Variants in SLCO1A2 observed in about 807,000 individuals in gnomAD.
SLCO1A2 encodes the protein OATP-1.
In SLCO1A2, 67 loss-of-function variants were observed where a neutral mutation model predicts 69.0. The ratio of observed to expected loss-of-function variants is 0.97; its 90% CI spans 0.80 to 1.19. The LOEUF (loss-of-function observed/expected upper bound fraction) is 1.19. Ranked by LOEUF, SLCO1A2 falls within the 50% of genes most tolerant of loss-of-function variation. SLCO1A2 has a pLI of 0.00. For synonymous variants in SLCO1A2, 260 were observed against 265.9 expected (o/e 0.98, Z 0.22); for missense variants, 787 against 793.7 (o/e 0.99, Z 0.10).
intron 1 of SLCO1A2, among the ~76,000 whole-genome samples, chr12:21,386,664 T>C (rs1940897448): frequency 6.6e-6 from 1 of 152,120 alleles, no homozygotes; most frequent in Non-Finnish European, 1.5e-5. Flanking sequence ...TTTTTCTTTA[T>C]AAATTACCCA....
chr12:21,293,366 G>C (rs1947207556), intron 11 of SLCO1A2, among the ~76,000 whole-genome samples: 1 of 151,968 alleles, frequency 6.6e-6, no homozygotes, highest in Non-Finnish European at 1.5e-5. Flanking sequence ...TTTTTGAATT[G>C]TTACATGTTT....
At chr12:21,402,207 T>C (rs1385261499) in intron 1 of SLCO1A2, among the ~76,000 whole-genome samples, 4 of 150,600 alleles carry the variant, frequency 2.7e-5, no homozygotes, top group Non-Finnish European at 4.4e-5. Flanking sequence ...TACAGATTTA[T>C]ACAAAGGCAA....
At chr12:21,395,618 TC>T, upstream of SLCO1A2, among the ~76,000 whole-genome samples, 1 of 152,286 alleles carries the variant, frequency 6.6e-6, no homozygotes. Context: ...GACTTAAATG[TC>T]CCTGTCTGAC....
intron 1 of SLCO1A2, among the ~76,000 whole-genome samples, chr12:21,406,995 C>T (rs1941832546): frequency 6.6e-6 from 1 of 152,092 alleles, no homozygotes; most frequent in Non-Finnish European, 1.5e-5. Context: ...CACCCTGGCC[C>T]CATGCCTGGC....
chr12:21,393,687 C>T (rs568505616), intron 1 of SLCO1A2, among the ~76,000 whole-genome samples: 4 of 152,178 alleles, frequency 2.6e-5, no homozygotes, highest in East Asian at 1.9e-4. Flanking sequence ...TAAACAGATA[C>T]GGTTACTAAT....
intron 12 of SLCO1A2, among the ~76,000 whole-genome samples, chr12:21,288,015 A>G (rs1946228306): frequency 6.7e-6 from 1 of 150,062 alleles, no homozygotes; most frequent in Non-Finnish European, 1.5e-5. Context: ...GTATAATAAA[A>G]AAAAAAAAAA....
intron 2 of SLCO1A2, among the ~76,000 whole-genome samples, chr12:21,364,656 T>C (rs572297350): frequency 2.0e-5 from 3 of 152,268 alleles, no homozygotes; most frequent in South Asian, 4.1e-4. Context: ...CCCCAACATC[T>C]CAGCCCAAAA....
intron 2 of SLCO1A2, among the ~76,000 whole-genome samples, chr12:21,350,194 G>T (rs1371158442): frequency 2.6e-5 from 4 of 151,812 alleles, no homozygotes; most frequent in African/African-American, 4.8e-5. Context: ...CTTTAAAAAT[G>T]TATATAGTCT....
At chr12:21,360,893 C>T (rs10770803) in intron 2 of SLCO1A2, among the ~76,000 whole-genome samples, 143,425 of 152,188 alleles carry the variant, frequency 0.94, 67,795 homozygotes, top group East Asian at 1. Context: ...GCTAGGAACT[C>T]GAACTCGGTG....
intron 5 of SLCO1A2, among the ~76,000 whole-genome samples, chr12:21,306,475 G>T (rs186532272): frequency 6.6e-6 from 1 of 151,962 alleles, no homozygotes. Context: ...ACAGGTGCCC[G>T]CTACCATGCT....
Position 21,304,458 on chromosome 12 carries a change from A to C in SLCO1A2, c.558T>G (p.Phe186Leu). Reference sequence around the variant, plus strand: ...ATAAAGGAGAATTTTCAAATTTGGCAAAATCTTCTATATAGGAAATACCCA... The same window carrying C: ...ATAAAGGAGAATTTTCAAATTTGGCCAAATCTTCTATATAGGAAATACCCA... Reference protein sequence around the residue: ...LPLGISYIEDFAKFENSPLYI... With the variant: ...LPLGISYIEDLAKFENSPLYI... Residue 186 changes from phenylalanine to leucine, a missense_variant, in exon 6 of 15, where the codon TTT (phenylalanine) becomes TTG (leucine). By Grantham distance (22) the Phe-to-Leu change is conservative. Coordinates refer to ENST00000683939, the MANE Select transcript of SLCO1A2 (RefSeq NM_001386879.1). 1 of 1,612,740 alleles carries C rather than the reference A, an allele frequency of 6.2e-7. No individual in the cohort carries two copies. The highest frequency in any genetic ancestry group is 8.5e-7 in the Non-Finnish European group (1 of 1,178,902).
intron 13 of SLCO1A2, chr12:21,274,843 A>G (rs991076670): frequency 1.2e-5 from 10 of 826,910 alleles, no homozygotes; most frequent in African/African-American, 5.3e-5. Flanking sequence ...TGAACTTTAT[A>G]TATTTTCTTA....
At chr12:21,310,887 G>A (rs1950065627) in intron 4 of SLCO1A2, among the ~76,000 whole-genome samples, 1 of 152,186 alleles carries the variant, frequency 6.6e-6, no homozygotes, top group Non-Finnish European at 1.5e-5. Context: ...ATAGGCGTGA[G>A]CCACCGCGCC....
chr12:21,297,341 C>T (rs2136377084), intron 9 of SLCO1A2, 63 bp downstream of exon 9: 2 of 1,275,258 alleles, frequency 1.6e-6, no homozygotes, highest in Non-Finnish European at 2.1e-6. Context: ...GTTTGCTACA[C>T]CCGCCATCAC....
intron 2 of SLCO1A2, among the ~76,000 whole-genome samples, chr12:21,325,182 A>T (rs1401029153): frequency 1.3e-5 from 2 of 151,996 alleles, no homozygotes; most frequent in Non-Finnish European, 2.9e-5. Flanking sequence ...AGGCAATCTT[A>T]CTAGTTTCCA....
intron 2 of SLCO1A2, among the ~76,000 whole-genome samples, chr12:21,330,699 G>A (rs1952561943): frequency 6.6e-6 from 1 of 152,120 alleles, no homozygotes. Context: ...TGCATTAAGA[G>A]TAACTCAACA....
chr12:21,350,835 CA>C (rs11454466), intron 2 of SLCO1A2, among the ~76,000 whole-genome samples: 100 of 40,710 alleles, frequency 2.5e-3, no homozygotes, highest in African/African-American at 9.3e-3. Flanking sequence ...GACTCTGTCT[CA>C]AAAAAAAAAA....
At chr12:21,413,917 G>A in intron 1 of SLCO1A2, among the ~76,000 whole-genome samples, 1 of 152,110 alleles carries the variant, frequency 6.6e-6, no homozygotes, top group Non-Finnish European at 1.5e-5. Context: ...CAGCAGACAG[G>A]CCTTGAAAGT....
Position 21,269,763 on chromosome 12 carries a change from T to C in SLCO1A2, c.1798A>G (p.Ile600Val), listed in dbSNP as rs1942451750. 5 of 1,604,696 alleles carry C rather than the reference T, an allele frequency of 3.1e-6. No homozygotes were observed. The highest frequency in any genetic ancestry group is 3.4e-6 in the Non-Finnish European group (4 of 1,175,558). ...RIYDSTTFRY[I>V]YLGLPAALRG... ...AGTGCTGCCGGCAATCCGAGGTAGA[T>C]GTATCTATTTTTTTAAAAGTTAAAA... Residue 600 changes from isoleucine (I) to valine (V), a missense_variant, in exon 15 of 15, where the codon ATC becomes GTC. By Grantham distance (29) the Ile-to-Val change is conservative. Coordinates refer to ENST00000683939, the MANE Select transcript of SLCO1A2 (RefSeq NM_001386879.1).
Sources: gnomAD v4.1 joint callset for allele counts (sites outside exome capture counted in the v4.1 genomes callset) on GRCh38, gnomAD v4.1.1 for gene constraint, MANE v1.5 for transcripts, NCBI Gene and HGNC (gene_info 2026-07-23, HGNC 2026-07-21) for gene names.